Variants in CLEC9A observed in about 807,000 individuals in gnomAD.
CLEC9A encodes C-type lectin domain family 9 member A.
CLEC9A carries 24 observed loss-of-function variants against 30.0 expected under a neutral mutation model. The observed-to-expected ratio is 0.80, with a 90% CI of 0.58 to 1.13. CLEC9A has a LOEUF of 1.13. Among genes scored for constraint, CLEC9A ranks in the 50% most tolerant of loss-of-function variants. The pLI, the probability that CLEC9A is intolerant of heterozygous loss-of-function variation, is 0.00. For synonymous variants in CLEC9A, 111 were observed against 96.8 expected (o/e 1.15, Z -0.86); for missense variants, 251 against 280.9 (o/e 0.89, Z 0.76).
chr12:10,060,874 A>G (rs951788082), intron 5 of CLEC9A: 1 of 347,284 alleles, frequency 2.9e-6, no homozygotes. Context: ...ATAATAAAAT[A>G]TAAATTGGTA....
chr12:10,060,259 T>G (rs1311467911), intron 5 of CLEC9A, among the ~76,000 whole-genome samples: 1 of 152,212 alleles, frequency 6.6e-6, no homozygotes, highest in Non-Finnish European at 1.5e-5. Context: ...ACATGAGTGC[T>G]TATAGTAGCT....
intron 1 of CLEC9A, among the ~76,000 whole-genome samples, chr12:10,032,389 CTTTT>C (rs10647036): frequency 8.5e-6 from 1 of 117,252 alleles, no homozygotes; most frequent in Non-Finnish European, 1.7e-5. Context: ...TTAGGGATTT[CTTTT>C]TTTTTTTTTT....
intron 2 of CLEC9A, among the ~76,000 whole-genome samples, chr12:10,041,962 T>C (rs1275960693): frequency 6.6e-6 from 1 of 152,218 alleles, no homozygotes; most frequent in Admixed American, 6.5e-5. Flanking sequence ...TTTTGTGGGC[T>C]CAGACTCATA....
intron 3 of CLEC9A, chr12:10,052,354 C>A: frequency 3.6e-6 from 1 of 277,050 alleles, no homozygotes; most frequent in East Asian, 1.1e-4. Context: ...GCGTTCTTTG[C>A]ACTTACATCT....
chr12:10,032,694 A>G (rs552151758), intron 1 of CLEC9A, among the ~76,000 whole-genome samples: 2 of 152,050 alleles, frequency 1.3e-5, no homozygotes, highest in South Asian at 4.2e-4. Context: ...CCCGGCCAAT[A>G]GGGATTTCAA....
intron 1 of CLEC9A, among the ~76,000 whole-genome samples, chr12:10,035,730 C>T (rs1865738967): frequency 6.6e-6 from 1 of 152,178 alleles, no homozygotes; most frequent in South Asian, 2.1e-4. Flanking sequence ...ATCCTGCCAC[C>T]TCAGCCTCCC....
intron 1 of CLEC9A, among the ~76,000 whole-genome samples, chr12:10,032,481 C>A (rs1442289176): frequency 6.6e-6 from 1 of 151,252 alleles, no homozygotes; most frequent in African/African-American, 2.4e-5. Flanking sequence ...ATCTCCGCCT[C>A]CCGGGTTCAC....
intron 1 of CLEC9A, among the ~76,000 whole-genome samples, chr12:10,032,665 A>C (rs1865710050): frequency 6.6e-6 from 1 of 152,100 alleles, no homozygotes; most frequent in Admixed American, 6.5e-5. Context: ...AGCTGGGATT[A>C]CAGGTGTGAG....
intron 8 of CLEC9A, 103 bp downstream of exon 8, chr12:10,064,956 A>G: frequency 1.5e-6 from 2 of 1,378,624 alleles, no homozygotes; most frequent in South Asian, 3.1e-5. Context: ...GACAAGCAGC[A>G]TGATAATGTT....
chr12:10,037,053 G>C (rs4474534), intron 1 of CLEC9A, among the ~76,000 whole-genome samples: 92,657 of 152,012 alleles, frequency 0.61, 30,870 homozygotes, highest in Middle Eastern at 0.81. Context: ...TAAAGACTCA[G>C]AACACTTCTA....
Position 10,052,655 on chromosome 12 carries a change from T to G in CLEC9A, c.-33T>G. ...AGGAGTTACTTGTTCCAGCCTCCTG[T>G]GTGGACTGCTTTCCTATCAAAGCAC... On this transcript the variant is annotated 5_prime_UTR_variant, in exon 4 of 9. Coordinates refer to ENST00000355819, the MANE Select transcript of CLEC9A (RefSeq NM_207345.4). 6.2e-7 allele frequency: 1 copy of G among 1,611,526 alleles called. No individual in the cohort carries two copies. Among genetic ancestry groups the G allele is most frequent in the Non-Finnish European group, 8.5e-7 (1 of 1,178,824 alleles).
chr12:10,031,836 G>A (rs1041145945), intron 1 of CLEC9A, among the ~76,000 whole-genome samples: 14 of 152,012 alleles, frequency 9.2e-5, no homozygotes, highest in Non-Finnish European at 1.9e-4. Context: ...CGAGTGAGCC[G>A]CCCGATGCTG....
At chr12:10,038,867 C>T (rs1219489211) in intron 1 of CLEC9A, among the ~76,000 whole-genome samples, 1 of 152,218 alleles carries the variant, frequency 6.6e-6, no homozygotes, top group African/African-American at 2.4e-5. Context: ...AATGCAAACA[C>T]ATCAGGCCTT....
chr12:10,054,245 T>C, intron 4 of CLEC9A, 26 bp from the exon 5 acceptor site: 1 of 1,572,676 alleles, frequency 6.4e-7, no homozygotes, highest in Non-Finnish European at 8.7e-7. Flanking sequence ...TCTAACTCGG[T>C]ATCATTTTTC....
At chr12:10,034,704 C>T (rs756095969) in intron 1 of CLEC9A, among the ~76,000 whole-genome samples, 3 of 152,052 alleles carry the variant, frequency 2.0e-5, no homozygotes, top group Non-Finnish European at 4.4e-5. Flanking sequence ...AGGTATGGCT[C>T]GCTTCTTCAG....
intron 6 of CLEC9A, 42 bp downstream of exon 6, chr12:10,061,315 T>G: frequency 6.5e-7 from 1 of 1,534,104 alleles, no homozygotes; most frequent in Non-Finnish European, 8.8e-7. Context: ...CATCTAAATA[T>G]ATACACCAAT....
chr12:10,034,705 G>T (rs1018927046), intron 1 of CLEC9A, among the ~76,000 whole-genome samples: 2 of 152,228 alleles, frequency 1.3e-5, no homozygotes, highest in East Asian at 3.9e-4. Flanking sequence ...GGTATGGCTC[G>T]CTTCTTCAGT....
chr12:10,038,670 C>T (rs1028404402), intron 1 of CLEC9A, among the ~76,000 whole-genome samples: 7 of 152,196 alleles, frequency 4.6e-5, no homozygotes, highest in Admixed American at 2.6e-4. Flanking sequence ...AGACAGCATC[C>T]TCCCCAATAT....
intron 5 of CLEC9A, among the ~76,000 whole-genome samples, chr12:10,056,460 T>C (rs1423767386): frequency 1.3e-5 from 2 of 152,174 alleles, no homozygotes; most frequent in Non-Finnish European, 2.9e-5. Flanking sequence ...ATGAGATCAA[T>C]TGTACCCCAA....
Sources: allele counts gnomAD v4.1 joint callset (sites outside exome capture counted in the v4.1 genomes callset), GRCh38; gene constraint gnomAD v4.1.1; transcripts MANE v1.5; gene names NCBI Gene and HGNC (gene_info 2026-07-23, HGNC 2026-07-21).